Variants in OTUD7A observed in about 807,000 individuals in gnomAD.
The protein encoded by OTUD7A is OTU domain-containing protein 7A.
A neutral mutation model predicts 65.7 loss-of-function variants in OTUD7A; 12 were observed. The ratio of observed to expected loss-of-function variants is 0.18; its 90% CI spans 0.12 to 0.30. The LOEUF (loss-of-function observed/expected upper bound fraction) is 0.30, where lower values mean the gene tolerates loss of function less well. Ranked by LOEUF, OTUD7A falls within the 10% of genes least tolerant of loss-of-function variation. OTUD7A has a pLI of 1.00. For missense variants in OTUD7A, 1,148 were observed against 1,304.8 expected (o/e 0.88, Z 1.85); for synonymous variants, 641 against 586.3 (o/e 1.09, Z -1.35).
chr15:31,842,472 C>G (rs749511878), intron 1 of OTUD7A, among the ~76,000 whole-genome samples: 2 of 152,160 alleles, frequency 1.3e-5, no homozygotes, highest in Non-Finnish European at 2.9e-5. Context: ...GTTAAGCCAG[C>G]AAGAGATCAG....
rs749110766 is a variant in OTUD7A at position 31,503,864 on chromosome 15, G to C, written c.894-46C>G. The stretch of plus-strand genomic sequence containing the variant: ...AGCTGGTCACTGACTAAAACAGGGT[G>C]GAGGATGGAGAAAGTGGGGACTGCT... On this transcript the variant is annotated intron_variant, in intron 8 of 12. Coordinates refer to ENST00000307050, the MANE Select transcript of OTUD7A (RefSeq NM_001382637.1). 5.6e-6 allele frequency: 9 copies of C among 1,610,110 alleles called. No homozygotes were observed. In the South Asian group the frequency reaches 9.9e-5, roughly 18 times the overall value.
At chr15:31,617,289 C>A (rs1270899524) in intron 3 of OTUD7A, among the ~76,000 whole-genome samples, 1 of 152,080 alleles carries the variant, frequency 6.6e-6, no homozygotes, top group Non-Finnish European at 1.5e-5. Flanking sequence ...GAGATTGAGA[C>A]CATCCTGACC....
At chr15:31,694,471 T>C (rs1595712194) in intron 1 of OTUD7A, among the ~76,000 whole-genome samples, 1 of 148,128 alleles carries the variant, frequency 6.8e-6, no homozygotes, top group South Asian at 2.1e-4. Context: ...ACCAGTTTAC[T>C]TTATTATTAT....
intron 1 of OTUD7A, among the ~76,000 whole-genome samples, chr15:31,798,190 C>A (rs1009657013): frequency 6.6e-6 from 1 of 152,114 alleles, no homozygotes; most frequent in African/African-American, 2.4e-5. Context: ...GTTAGGACAT[C>A]AACACAGGCA....
intron 3 of OTUD7A, among the ~76,000 whole-genome samples, chr15:31,641,175 GTGTC>G (rs1260526444): frequency 5.0e-5 from 4 of 79,462 alleles, no homozygotes; most frequent in Non-Finnish European, 9.5e-5. Flanking sequence ...GGTTTTATAA[GTGTC>G]TGGCCTCTCC....
rs575333467 is a variant in OTUD7A at position 31,490,577 on chromosome 15, C to G, written c.1172-3011G>C. Among the ~76,000 whole-genome samples the G allele has an allele frequency of 4.1e-4, 63 of 152,286 alleles. 2 individuals carry two copies. The highest frequency in any genetic ancestry group is 3.0e-3 in the Admixed American group (46 of 15,298). On this transcript the variant is annotated intron_variant, in intron 10 of 12. Transcript: ENST00000307050. ...AAAGACAGGTGCCTCCAAGGAGAGA[C>G]AGACATGAGCTTAAGAAGGGCCAAT...
chr15:31,550,320 T>C (rs944834138), intron 5 of OTUD7A, among the ~76,000 whole-genome samples: 9 of 152,150 alleles, frequency 5.9e-5, no homozygotes, highest in Non-Finnish European at 1.2e-4. Context: ...CCCTGGGCAC[T>C]GTCCTAACTC....
At chr15:31,573,831 G>A (rs2141175883) in intron 3 of OTUD7A, among the ~76,000 whole-genome samples, 1 of 152,364 alleles carries the variant, frequency 6.6e-6, no homozygotes, top group African/African-American at 2.4e-5. Context: ...AACCTGGGAG[G>A]TGGAGGTTGC....
chr15:31,746,226 A>C (rs1834084895), intron 1 of OTUD7A, among the ~76,000 whole-genome samples: 1 of 152,210 alleles, frequency 6.6e-6, no homozygotes, highest in Non-Finnish European at 1.5e-5. Context: ...TACACACACA[A>C]AGACTTGTAC....
chr15:31,828,825 C>G (rs948496130), intron 1 of OTUD7A, among the ~76,000 whole-genome samples: 9 of 152,122 alleles, frequency 5.9e-5, no homozygotes, highest in Non-Finnish European at 1.2e-4. Context: ...ACAGCTGCCT[C>G]CCGCATCTCC....
chr15:31,521,368 TAG>T (rs2041935662), intron 8 of OTUD7A, among the ~76,000 whole-genome samples: 1 of 152,232 alleles, frequency 6.6e-6, no homozygotes, highest in South Asian at 2.1e-4. Context: ...GAACCATCCC[TAG>T]ATAGTCAACT....
intron 2 of OTUD7A, among the ~76,000 whole-genome samples, chr15:31,655,702 T>C (rs1317536942): frequency 3.3e-5 from 5 of 152,206 alleles, no homozygotes; most frequent in African/African-American, 4.8e-5. Flanking sequence ...TATTTTGACA[T>C]AGCAGCCCAG....
intron 5 of OTUD7A, among the ~76,000 whole-genome samples, chr15:31,552,026 C>T (rs894561926): frequency 1.3e-5 from 2 of 152,150 alleles, no homozygotes; most frequent in African/African-American, 4.8e-5. Flanking sequence ...GGGGTGGATT[C>T]GTCATGAATG....
intron 4 of OTUD7A, among the ~76,000 whole-genome samples, chr15:31,565,511 CA>C (rs949972494): frequency 2.0e-5 from 3 of 152,046 alleles, no homozygotes; most frequent in African/African-American, 7.2e-5. Context: ...ATTATAAATG[CA>C]AATTATTTTT....
At chr15:31,806,542 C>T (rs2140954987) in intron 1 of OTUD7A, among the ~76,000 whole-genome samples, 1 of 152,270 alleles carries the variant, frequency 6.6e-6, no homozygotes, top group East Asian at 1.9e-4. Flanking sequence ...CCATGCAGAC[C>T]CCTCGTGGAG....
At chr15:31,672,016 G>A (rs1332107935) in intron 1 of OTUD7A, among the ~76,000 whole-genome samples, 13 of 152,178 alleles carry the variant, frequency 8.5e-5, no homozygotes, top group Non-Finnish European at 1.3e-4. Context: ...AAGAACACGC[G>A]GCATTTGGTT....
rs370010170 is a variant in OTUD7A at position 31,844,918 on chromosome 15, T to C, written c.-100+25589A>G. ...CCATTCCCAGGACTTGGTGTCCCCA[T>C]CTGTGAGCTGGAGACATGGCTACCA... On this transcript the variant is annotated intron_variant, in intron 1 of 12. Transcript: ENST00000307050. 2.5e-4 allele frequency among the ~76,000 whole-genome samples: 38 copies of C among 152,240 alleles called. No homozygotes were observed. The South Asian group carries it at 7.0e-3, about 28-fold the overall frequency.
intron 1 of OTUD7A, among the ~76,000 whole-genome samples, chr15:31,731,449 G>A (rs1894039970): frequency 1.3e-5 from 2 of 152,166 alleles, no homozygotes; most frequent in African/African-American, 2.4e-5. Flanking sequence ...CTAAGTGAAA[G>A]AAGCCAATCT....
chr15:31,570,180 T>C lies in OTUD7A; in HGVS notation c.169A>G (p.Thr57Ala). Residue 57 changes from threonine to alanine, a missense_variant, in exon 4 of 13, where the codon ACA becomes GCA. Thr to Ala is a moderately conservative substitution (Grantham distance 58). Transcript: ENST00000307050. ...TGCTCATAGTCGCTCAGAGCGGCTG[T>C]CAGGTCCCAGTTTTTGCCTGTGGAC... ...DLLEGKNWDLTAALSDYEQLR... is the reference protein window; with the variant it reads ...DLLEGKNWDLAAALSDYEQLR... The C allele has an allele frequency of 6.2e-7, 1 of 1,614,098 alleles. No homozygotes were observed. Among genetic ancestry groups the C allele is most frequent in the Non-Finnish European group, 8.5e-7 (1 of 1,179,946 alleles).
Sources: allele counts gnomAD v4.1 joint callset (sites outside exome capture counted in the v4.1 genomes callset), GRCh38; gene constraint gnomAD v4.1.1; transcripts MANE v1.5; gene names NCBI Gene and HGNC (gene_info 2026-07-23, HGNC 2026-07-21).